Variants in SEC31A observed in about 807,000 individuals in gnomAD.
SEC31A encodes the protein protein transport protein Sec31A.
SEC31A carries 70 observed loss-of-function variants against 151.0 expected under a neutral mutation model. That is an observed-to-expected ratio of 0.46 (90% CI 0.38 to 0.57). The LOEUF is 0.57. SEC31A is among the 20% of genes least tolerant of loss of function. The pLI, the probability that SEC31A is intolerant of heterozygous loss-of-function variation, is 0.00. For missense variants in SEC31A, 1,330 were observed against 1,471.2 expected (o/e 0.90, Z 1.57); for synonymous variants, 475 against 505.9 (o/e 0.94, Z 0.82).
At chr4:82,879,372 A>AAG (rs1329660528) in intron 3 of SEC31A, among the ~76,000 whole-genome samples, 1 of 2,426 alleles carries the variant, frequency 4.1e-4, no homozygotes, top group Non-Finnish European at 0.028. Context: ...CCTTTGTCTG[A>AAG]AAAAAAAAAA....
intron 11 of SEC31A, among the ~76,000 whole-genome samples, 192 bp downstream of exon 11, chr4:82,864,170 T>C (rs1734792552): frequency 6.6e-6 from 1 of 152,204 alleles, no homozygotes; most frequent in Non-Finnish European, 1.5e-5. Context: ...ATTACACTTT[T>C]CAAAGCAGAG....
intron 22 of SEC31A, among the ~76,000 whole-genome samples, chr4:82,832,468 C>T (rs1726168470): frequency 6.6e-6 from 1 of 152,108 alleles, no homozygotes; most frequent in Admixed American, 6.5e-5. Context: ...AGAAGAAAAC[C>T]TGGGCAATAC....
intron 22 of SEC31A, among the ~76,000 whole-genome samples, chr4:82,834,924 C>A (rs556471935): frequency 6.6e-6 from 1 of 152,174 alleles, no homozygotes; most frequent in South Asian, 2.1e-4. Flanking sequence ...CGGCTCACTG[C>A]AACCTCTGCC....
Position 82,844,371 on chromosome 4 carries a change from G to T in SEC31A, c.2626+15C>A, listed in dbSNP as rs757528770. On this transcript the variant is annotated intron_variant, in intron 21 of 26. Coordinates refer to ENST00000395310, the MANE Select transcript of SEC31A (RefSeq NM_001077207.4). Reference sequence around the variant, plus strand: ...AAATACTGCTCTGAAAGGACTTTGGGGTCACACTACTTACGCTGTGGCTGT... The same window carrying T: ...AAATACTGCTCTGAAAGGACTTTGGTGTCACACTACTTACGCTGTGGCTGT... 1.5e-5 allele frequency: 24 copies of T among 1,610,902 alleles called. No homozygotes were observed. In the East Asian group the frequency reaches 4.9e-4, roughly 33 times the overall value.
At chr4:82,895,479 C>T (rs1454509970), upstream of SEC31A, 2 of 152,018 alleles carry the variant, frequency 1.3e-5, no homozygotes, top group Non-Finnish European at 2.9e-5. Flanking sequence ...GTTAAAAGCT[C>T]CACCCCCTCC....
chr4:82,890,679 A>C (rs1303721736), intron 1 of SEC31A: 1 of 871,038 alleles, frequency 1.1e-6, no homozygotes, highest in Non-Finnish European at 1.4e-6. Flanking sequence ...GTTCAAGTAC[A>C]AAAAAAAATC....
Position 82,827,447 on chromosome 4 carries a change from A to G in SEC31A, c.3213T>C (p.Gly1071=). The change falls in exon 24 of 27, where the codon GGT becomes GGC. Residue 1071 remains glycine, a synonymous_variant. Transcript: ENST00000395310. ...QPFHGVQQPL[G]QTGMPPSFSK... ...AAAAAGATGGTGGCATGCCTGTTTG[A>G]CCAAGAGGTTGCTGTACGCCATGGA... The G allele has an allele frequency of 1.9e-6, 3 of 1,614,208 alleles. No individual in the cohort carries two copies. Among genetic ancestry groups the G allele is most frequent in the Non-Finnish European group, 2.5e-6 (3 of 1,180,032 alleles).
At chr4:82,849,622 A>AG (rs1731033223) in intron 19 of SEC31A, among the ~76,000 whole-genome samples, 1 of 151,444 alleles carries the variant, frequency 6.6e-6, no homozygotes, top group Non-Finnish European at 1.5e-5. Context: ...TCAAAAAAAA[A>AG]AAAAAAAAAC....
At chr4:82,849,509 G>A (rs1230746723) in intron 19 of SEC31A, among the ~76,000 whole-genome samples, 2 of 150,666 alleles carry the variant, frequency 1.3e-5, no homozygotes, top group Admixed American at 1.3e-4. Flanking sequence ...AGTTACTCGG[G>A]AGGCTGAGGC....
intron 7 of SEC31A, 32 bp downstream of exon 7, chr4:82,871,912 A>T: frequency 1.2e-6 from 2 of 1,613,838 alleles, no homozygotes; most frequent in Non-Finnish European, 1.7e-6. Context: ...GAAAATAAAC[A>T]AATCAAGTTC....
chr4:82,853,502 T>G, intron 18 of SEC31A, 68 bp downstream of exon 18: 2 of 1,307,116 alleles, frequency 1.5e-6, no homozygotes, highest in Non-Finnish European at 2.1e-6. Flanking sequence ...TTATAGATTA[T>G]AACTTGATGA....
intron 22 of SEC31A, among the ~76,000 whole-genome samples, chr4:82,839,775 T>C (rs1578175572): frequency 1.3e-5 from 2 of 152,354 alleles, no homozygotes; most frequent in Middle Eastern, 6.8e-3. Flanking sequence ...TGCTGAACAC[T>C]GAAAAGTGTT....
chr4:82,842,519 A>T, intron 21 of SEC31A, 38 bp from the exon 22 acceptor site: 1 of 1,500,136 alleles, frequency 6.7e-7, no homozygotes, highest in African/African-American at 1.4e-5. Context: ...TCAATTAGTT[A>T]CAAGTTTATT....
chr4:82,840,575 G>C (rs1303383355), intron 22 of SEC31A, among the ~76,000 whole-genome samples: 1 of 152,090 alleles, frequency 6.6e-6, no homozygotes, highest in African/African-American at 2.4e-5. Context: ...ACTTAATAAT[G>C]GGTATGCGTT....
rs774048176 is a variant in SEC31A at position 82,821,074 on chromosome 4, C to T, written c.3446G>A (p.Arg1149His). 7 of 1,614,036 alleles carry T rather than the reference C, an allele frequency of 4.3e-6. No individual in the cohort carries two copies. Among genetic ancestry groups the T allele is most frequent in the East Asian group, 4.5e-5 (2 of 44,868 alleles). Residue 1149 changes from arginine to histidine, a missense_variant, in exon 26 of 27, where the codon CGT becomes CAT. Physicochemically the swap from Arg to His is conservative, Grantham distance 29. Coordinates refer to ENST00000395310, the MANE Select transcript of SEC31A (RefSeq NM_001077207.4). ...AAGTTTATCATACAGAAACTCCAAACGTTTGCTGGCATCATCTAGCTTCCT... is the reference window on the plus strand; with the variant it reads ...AAGTTTATCATACAGAAACTCCAAATGTTTGCTGGCATCATCTAGCTTCCT... The part of the protein sequence containing the change: ...TKRKLDDASK[R>H]LEFLYDKLRE...
intron 10 of SEC31A, among the ~76,000 whole-genome samples, chr4:82,866,242 G>A (rs1474806407): frequency 1.3e-5 from 2 of 152,018 alleles, no homozygotes; most frequent in African/African-American, 4.8e-5. Context: ...AGGCCGAAGC[G>A]GGTGGATCAC....
intron 26 of SEC31A, 118 bp from the exon 27 acceptor site, chr4:82,819,371 A>G (rs1383172278): frequency 1.4e-6 from 1 of 714,292 alleles, no homozygotes; most frequent in Non-Finnish European, 2.1e-6. Context: ...TTATAAAAAT[A>G]TATAAACCAT....
intron 2 of SEC31A, 133 bp from the exon 3 acceptor site, chr4:82,881,055 C>T (rs1008586619): frequency 5.8e-6 from 4 of 691,068 alleles, no homozygotes; most frequent in Non-Finnish European, 9.7e-6. Context: ...TGAGCAGATG[C>T]TTAAATTACT....
chr4:82,840,474 A>T (rs1483529704), intron 22 of SEC31A, among the ~76,000 whole-genome samples: 1 of 152,166 alleles, frequency 6.6e-6, no homozygotes, highest in Non-Finnish European at 1.5e-5. Context: ...GTATTACTGG[A>T]ATCTTATTTG....
Sources: allele counts gnomAD v4.1 joint callset (sites outside exome capture counted in the v4.1 genomes callset), GRCh38; gene constraint gnomAD v4.1.1; transcripts MANE v1.5; gene names NCBI Gene and HGNC (gene_info 2026-07-23, HGNC 2026-07-21).